CNTN5: variants seen among roughly 807,000 people sequenced by gnomAD.
The protein encoded by CNTN5 is contactin 5, also known as contactin-5.
In CNTN5, 77 loss-of-function variants were observed where a neutral mutation model predicts 129.1. The observed-to-expected ratio is 0.60, with a 90% confidence interval of 0.50 to 0.72. The LOEUF (loss-of-function observed/expected upper bound fraction) is 0.72, where lower values mean the gene tolerates loss of function less well. CNTN5 is among the 30% of genes least tolerant of loss of function. The pLI, the probability that CNTN5 is intolerant of heterozygous loss-of-function variation, is 0.00. For synonymous variants in CNTN5, 509 were observed against 465.6 expected (o/e 1.09, Z -1.20); for missense variants, 1,478 against 1,328.8 (o/e 1.11, Z -1.75).
intron 1 of CNTN5, among the ~76,000 whole-genome samples, chr11:99,086,762 G>C (rs1227233796): frequency 6.6e-6 from 1 of 152,272 alleles, no homozygotes; most frequent in East Asian, 1.9e-4. Flanking sequence ...CAACAATCAA[G>C]GTGGAGTCTA....
chr11:99,446,425 C>G (rs1438154975), intron 2 of CNTN5, among the ~76,000 whole-genome samples: 2 of 152,154 alleles, frequency 1.3e-5, no homozygotes, highest in Non-Finnish European at 2.9e-5. Context: ...AGTTCAGTAT[C>G]ACCTCAGTTT....
intron 1 of CNTN5, among the ~76,000 whole-genome samples, chr11:99,179,703 G>T (rs1400947241): frequency 6.6e-6 from 1 of 152,132 alleles, no homozygotes; most frequent in Non-Finnish European, 1.5e-5. Flanking sequence ...ACTTGCCTCA[G>T]TTTGGGTGCT....
At chr11:99,184,884 T>C (rs1201954996) in intron 1 of CNTN5, among the ~76,000 whole-genome samples, 2 of 152,010 alleles carry the variant, frequency 1.3e-5, no homozygotes, top group East Asian at 3.9e-4. Context: ...AACTCATTGA[T>C]AAAAGACTAG....
intron 3 of CNTN5, among the ~76,000 whole-genome samples, chr11:99,768,073 T>A (rs1944817026): frequency 6.6e-6 from 1 of 152,042 alleles, no homozygotes; most frequent in African/African-American, 2.4e-5. Flanking sequence ...CAAGACTGAG[T>A]TGAGTAGTTG....
chr11:99,907,902 G>A (rs1410603555), intron 6 of CNTN5, among the ~76,000 whole-genome samples: 1 of 151,954 alleles, frequency 6.6e-6, no homozygotes, highest in African/African-American at 2.4e-5. Context: ...GCTATTCATT[G>A]TAATAATGGG....
At chr11:99,555,741 T>C (rs888475485) in intron 2 of CNTN5, among the ~76,000 whole-genome samples, 1 of 151,912 alleles carries the variant, frequency 6.6e-6, no homozygotes, top group African/African-American at 2.4e-5. Context: ...AACCGATCAT[T>C]AGTTATGCTC....
chr11:99,153,170 T>G (rs1359067329), intron 1 of CNTN5, among the ~76,000 whole-genome samples: 1 of 152,226 alleles, frequency 6.6e-6, no homozygotes, highest in Non-Finnish European at 1.5e-5. Flanking sequence ...CTGCATTTCC[T>G]GAGTTTGAAT....
intron 8 of CNTN5, among the ~76,000 whole-genome samples, chr11:100,000,218 A>G (rs1158238694): frequency 6.6e-6 from 1 of 152,178 alleles, no homozygotes; most frequent in Non-Finnish European, 1.5e-5. Flanking sequence ...CATTTGAGAC[A>G]AGAATAGTCC....
At chr11:99,193,693 A>G (rs1427897915) in intron 1 of CNTN5, among the ~76,000 whole-genome samples, 1 of 152,166 alleles carries the variant, frequency 6.6e-6, no homozygotes, top group Non-Finnish European at 1.5e-5. Context: ...TCCTGAGATG[A>G]AAAAACAACC....
At chr11:99,215,883 GTTA>G (rs996376782) in intron 1 of CNTN5, among the ~76,000 whole-genome samples, 3 of 151,984 alleles carry the variant, frequency 2.0e-5, no homozygotes, top group African/African-American at 4.8e-5. Flanking sequence ...TTTTAATTTT[GTTA>G]TTATTAATCG....
rs146309288 is a variant in CNTN5 at position 100,183,216 on chromosome 11, A to G, written c.1581-7910A>G. Among the ~76,000 whole-genome samples, 120 of 152,308 alleles carry G rather than the reference A, an allele frequency of 7.9e-4. 1 individual carries two copies. The highest frequency in any genetic ancestry group is 2.8e-3 in the African/African-American group (115 of 41,582). On this transcript the variant is annotated intron_variant, in intron 13 of 24. Transcript: ENST00000524871. The stretch of plus-strand genomic sequence containing the variant: ...TCTTAAAAAGGTAAACGTAAGCATA[A>G]AGAAGTTGATCTAGTCATTGCAATC...
intron 3 of CNTN5, among the ~76,000 whole-genome samples, chr11:99,569,362 G>A (rs1463884398): frequency 7.9e-5 from 12 of 152,086 alleles, no homozygotes; most frequent in African/African-American, 2.7e-4. Flanking sequence ...CGCCCAGGCT[G>A]GAGGGCAGTG....
At chr11:99,322,799 A>T (rs1321993837) in intron 1 of CNTN5, among the ~76,000 whole-genome samples, 1 of 152,152 alleles carries the variant, frequency 6.6e-6, no homozygotes, top group Non-Finnish European at 1.5e-5. Flanking sequence ...TTATGATTGT[A>T]AAAAAGAAAA....
At chr11:99,677,607 C>T (rs74319117) in intron 3 of CNTN5, among the ~76,000 whole-genome samples, 7,427 of 152,126 alleles carry the variant, frequency 0.049, 602 homozygotes, top group African/African-American at 0.17. Flanking sequence ...AGCTATTATT[C>T]ACTAGTTCCA....
At chr11:99,031,242 G>A (rs1371626680) in intron 1 of CNTN5, among the ~76,000 whole-genome samples, 3 of 151,860 alleles carry the variant, frequency 2.0e-5, no homozygotes, top group African/African-American at 7.2e-5. Context: ...ATATTACTAT[G>A]GTAGCTTTTT....
At chr11:99,192,549 G>A (rs1312299806) in intron 1 of CNTN5, among the ~76,000 whole-genome samples, 4 of 151,730 alleles carry the variant, frequency 2.6e-5, no homozygotes, top group African/African-American at 9.7e-5. Context: ...TTAGATACTA[G>A]AATTATAATT....
At chr11:99,671,083 TTG>T (rs1408191908) in intron 3 of CNTN5, among the ~76,000 whole-genome samples, 7 of 152,042 alleles carry the variant, frequency 4.6e-5, no homozygotes, top group Admixed American at 3.3e-4. Flanking sequence ...TCTCGCTTTC[TTG>T]TGAGTTCTCT....
At chr11:100,284,643 G>A (rs1591474260) in intron 18 of CNTN5, among the ~76,000 whole-genome samples, 8 of 152,178 alleles carry the variant, frequency 5.3e-5, no homozygotes, top group South Asian at 2.1e-4. Flanking sequence ...TATTCTATAC[G>A]TTACATGTTC....
intron 1 of CNTN5, among the ~76,000 whole-genome samples, chr11:99,158,376 G>A (rs1021647685): frequency 6.6e-6 from 1 of 152,064 alleles, no homozygotes; most frequent in Non-Finnish European, 1.5e-5. Context: ...CTCTCGTATA[G>A]TTATTCTTGT....
Sources: allele counts gnomAD v4.1 joint callset (sites outside exome capture counted in the v4.1 genomes callset), GRCh38; gene constraint gnomAD v4.1.1; transcripts MANE v1.5; gene names NCBI Gene and HGNC (gene_info 2026-07-23, HGNC 2026-07-21).